Variants in CCAT2 observed in about 807,000 individuals in gnomAD.
CCAT2 encodes the protein colon cancer associated transcript 2 (non-protein coding).
chr8:127,401,906 A>G (rs1814942613), exon 1 of CCAT2: 1 of 152,374 alleles, frequency 6.6e-6, no homozygotes, highest in East Asian at 1.9e-4. Flanking sequence ...CTAGTCTAGC[A>G]TCTCAATTTC....
At chr8:127,401,380 T>C (rs1364909276) in exon 1 of CCAT2, 1 of 152,138 alleles carries the variant, frequency 6.6e-6, no homozygotes, top group Non-Finnish European at 1.5e-5. Context: ...AAGAGTCAAA[T>C]AGTTAATAAG....
chr8:127,401,943 T>A (rs951312533), exon 1 of CCAT2: 2 of 152,218 alleles, frequency 1.3e-5, no homozygotes, highest in Non-Finnish European at 2.9e-5. Context: ...TTAATTAAAT[T>A]TGTTGGGGTT....
At chr8:127,401,793 A>C (rs910610228) in exon 1 of CCAT2, 1 of 152,226 alleles carries the variant, frequency 6.6e-6, no homozygotes. Context: ...AAAAGGTGTC[A>C]TCTCTCTGGG....
chr8:127,401,111 T>G (rs548390369), exon 1 of CCAT2: 1 of 152,198 alleles, frequency 6.6e-6, no homozygotes. Context: ...TTATTTTATT[T>G]TATGTGGGGG....
exon 1 of CCAT2, chr8:127,401,734 C>T (rs906060750): frequency 1.3e-4 from 20 of 152,190 alleles, no homozygotes; most frequent in African/African-American, 4.6e-4. Flanking sequence ...CCATAATCAT[C>T]CCTGAGGAAA....
At chr8:127,400,685 T>C (rs772435754) in exon 1 of CCAT2, 3 of 152,232 alleles carry the variant, frequency 2.0e-5, no homozygotes, top group African/African-American at 7.2e-5. Flanking sequence ...ACTACCTATT[T>C]GAATTTGGAA....
chr8:127,402,002 TA>T (rs1293504570), exon 1 of CCAT2: 4 of 152,256 alleles, frequency 2.6e-5, no homozygotes, highest in African/African-American at 4.8e-5. Context: ...CTTACATAAA[TA>T]ATGTGTGCTC....
At chr8:127,401,491 G>T (rs1010211271) in exon 1 of CCAT2, 1 of 152,218 alleles carries the variant, frequency 6.6e-6, no homozygotes, top group African/African-American at 2.4e-5. Context: ...ATGTACAAAT[G>T]TACAAGGAAT....
chr8:127,401,542 A>G (rs1385746483), exon 1 of CCAT2: 1 of 152,218 alleles, frequency 6.6e-6, no homozygotes, highest in Non-Finnish European at 1.5e-5. Flanking sequence ...AGTTTGGCCT[A>G]TATCAATGCA....
At chr8:127,402,129 G>A (rs964856129) in exon 1 of CCAT2, 2 of 152,092 alleles carry the variant, frequency 1.3e-5, no homozygotes, top group African/African-American at 4.8e-5. Flanking sequence ...AGAGAGCCGT[G>A]GGCAACATCA....
chr8:127,400,976 G>A (rs1164910835), exon 1 of CCAT2: 1 of 152,210 alleles, frequency 6.6e-6, no homozygotes, highest in African/African-American at 2.4e-5. Flanking sequence ...ATAAAACAGA[G>A]GGACGAATAA....
chr8:127,401,028 C>T (rs1006405708), exon 1 of CCAT2: 6 of 152,206 alleles, frequency 3.9e-5, no homozygotes, highest in Non-Finnish European at 7.3e-5. Context: ...GAGTTAATAC[C>T]CTCATCGTCC....
At chr8:127,401,102 T>G (rs1397322531) in exon 1 of CCAT2, 1 of 152,176 alleles carries the variant, frequency 6.6e-6, no homozygotes, top group Non-Finnish European at 1.5e-5. Context: ...CTATTGACTT[T>G]ATTTTATTTT....
exon 1 of CCAT2, chr8:127,400,519 T>G (rs1814926281): frequency 1.3e-5 from 2 of 152,178 alleles, no homozygotes; most frequent in Non-Finnish European, 2.9e-5. Flanking sequence ...ATCAGACATT[T>G]CTTGAACACC....
exon 1 of CCAT2, chr8:127,400,671 A>C (rs1007906699): frequency 6.6e-6 from 1 of 152,232 alleles, no homozygotes; most frequent in Non-Finnish European, 1.5e-5. Context: ...CTACTCTGTA[A>C]TTAACTACCT....
At chr8:127,401,697 G>A (rs1318635228) in exon 1 of CCAT2, 10 of 152,144 alleles carry the variant, frequency 6.6e-5, no homozygotes, top group African/African-American at 2.2e-4. Context: ...AATATGGTAT[G>A]AATAGGAGAG....
chr8:127,401,288 C>T (rs889116953), exon 1 of CCAT2: 3 of 152,262 alleles, frequency 2.0e-5, no homozygotes, highest in Non-Finnish European at 4.4e-5. Flanking sequence ...AACTGTGCAA[C>T]TCTGCAATTT....
chr8:127,401,164 A>AG (rs897941649), exon 1 of CCAT2: 2 of 152,238 alleles, frequency 1.3e-5, no homozygotes, highest in Non-Finnish European at 2.9e-5. Flanking sequence ...TCTGAATCAA[A>AG]GGGCAGGAAC....
At chr8:127,402,127 G>C (rs184145549) in exon 1 of CCAT2, 57 of 152,292 alleles carry the variant, frequency 3.7e-4, no homozygotes, top group African/African-American at 1.3e-3. Context: ...GAAGAGAGCC[G>C]TGGGCAACAT....
Sources: allele counts gnomAD v4.1 joint callset, GRCh38; gene constraint gnomAD v4.1.1; transcripts MANE v1.5; gene names NCBI Gene and HGNC (gene_info 2026-07-23, HGNC 2026-07-21).